The following ACTR1A variants were observed in gnomAD, a reference collection of about 807,000 sequenced individuals.
ACTR1A encodes alpha-centractin.
In ACTR1A, 10 loss-of-function variants were observed where a neutral mutation model predicts 50.7. That is an observed-to-expected ratio of 0.20 (90% CI 0.12 to 0.33). The LOEUF (loss-of-function observed/expected upper bound fraction) is 0.33. ACTR1A is among the 10% of genes least tolerant of loss of function. ACTR1A has a pLI of 1.00. For synonymous variants in ACTR1A, 177 were observed against 184.2 expected (o/e 0.96, Z 0.32); for missense variants, 253 against 491.7 (o/e 0.51, Z 4.59).
chr10:102,497,329 TAAA>T (rs779973647), intron 1 of ACTR1A, among the ~76,000 whole-genome samples: 3 of 152,110 alleles, frequency 2.0e-5, no homozygotes, highest in Non-Finnish European at 4.4e-5. Context: ...ATTGCTATAA[TAAA>T]AAGAGATAAC....
In ACTR1A at chr10:102,480,739, G is replaced by GCA. The variant is rs2062134849; in HGVS notation, c.*122_*123dup. On this transcript the variant is annotated 3_prime_UTR_variant, in exon 11 of 11. Transcript: ENST00000369905. The stretch of plus-strand genomic sequence containing the variant: ...CCAGGGCCACACGGCACTCGCATGT[G>GCA]CACACACACTCATATCCACACACGC... 4.9e-6 allele frequency: 4 copies of GCA among 820,736 alleles called. No individual in the cohort carries two copies. In the Admixed American group the frequency reaches 5.6e-5, roughly 11 times the overall value. The allele number at this position is 820,736 out of a possible 1,614,324, so 50.8% of individuals were successfully genotyped here. A position where few individuals can be genotyped will look rare whatever the true frequency, so the allele number is the denominator to read the frequency against.
intron 1 of ACTR1A, among the ~76,000 whole-genome samples, chr10:102,501,896 T>G (rs1184575281): frequency 2.6e-5 from 4 of 152,206 alleles, no homozygotes; most frequent in Admixed American, 2.6e-4. Context: ...GCTTCCTTTG[T>G]CACTCTCCTT....
At position 102,488,251 on chromosome 10, in the gene ACTR1A, G is replaced by T. The variant is rs117277603; in HGVS notation, c.214C>A (p.Arg72Ser). The T allele has an allele frequency of 6.2e-7, 1 of 1,613,760 alleles. No homozygotes were observed. Among genetic ancestry groups the T allele is most frequent in the Non-Finnish European group, 8.5e-7 (1 of 1,179,814 alleles). ...AEEHRGLLSI[R>S]YPMEHGIVKD... ...ACGATGCCATGCTCCATGGGATAGC[G>T]GATTGAAAGCAGCCCTCGGTGCTCC... Residue 72 changes from arginine (R) to serine (S), a missense_variant, in exon 4 of 11, where the codon CGC becomes AGC. Transcript: ENST00000369905. This position sits in a 1 kb window ranked among gnomAD's most constrained non-coding sequence, Gnocchi z 4.4.
In ACTR1A at chr10:102,480,690, A is replaced by G. The variant is rs1176202158; in HGVS notation, c.*173T>C. The G allele has an allele frequency of 1.6e-6, 1 of 636,856 alleles. No individual in the cohort carries two copies. Among genetic ancestry groups the G allele is most frequent in the Non-Finnish European group, 2.8e-6 (1 of 354,502 alleles). The allele number at this position is 636,856 out of a possible 1,614,324, so 39.5% of individuals were successfully genotyped here. A position where few individuals can be genotyped will look rare whatever the true frequency, so the allele number is the denominator to read the frequency against. Reference sequence around the variant, plus strand: ...AGGCCATCACCACTGCAGGTAGTTCATCGTCCTTTCTGGGCCCAGGGTCCC... The same window carrying G: ...AGGCCATCACCACTGCAGGTAGTTCGTCGTCCTTTCTGGGCCCAGGGTCCC... On this transcript the variant is annotated 3_prime_UTR_variant, in exon 11 of 11. Transcript: ENST00000369905.
chr10:102,490,762 G>C, intron 1 of ACTR1A, 149 bp from the exon 2 acceptor site: 1 of 583,542 alleles, frequency 1.7e-6, no homozygotes, highest in South Asian at 2.0e-5. Context: ...GGAGGCAGAG[G>C]CAGGCGGATC....
In ACTR1A at chr10:102,480,938, G is replaced by A; in HGVS notation, c.1056C>T (p.Thr352=). 1 of 1,614,108 alleles carries A rather than the reference G, an allele frequency of 6.2e-7. No homozygotes were observed. The highest frequency in any genetic ancestry group is 8.5e-7 in the Non-Finnish European group (1 of 1,179,962). The change falls in exon 11 of 11, where the codon ACC becomes ACT. Residue 352 remains threonine, a synonymous_variant. Transcript: ENST00000369905. ...IGGSILASLD[T]FKKMWVSKKE... ...TTTTGGAGACCCACATCTTCTTAAA[G>A]GTGTCCAGGGAGGCAAGGATGGAGC... is the stretch of plus-strand genomic sequence containing the variant.
intron 1 of ACTR1A, among the ~76,000 whole-genome samples, chr10:102,498,607 G>A (rs1564651872): frequency 6.6e-6 from 1 of 151,576 alleles, no homozygotes; most frequent in Non-Finnish European, 1.5e-5. Context: ...GCCTCCTACA[G>A]GTGCATGCCA....
At chr10:102,500,477 G>A (rs1478449595) in intron 1 of ACTR1A, among the ~76,000 whole-genome samples, 1 of 152,172 alleles carries the variant, frequency 6.6e-6, no homozygotes, top group Non-Finnish European at 1.5e-5. Flanking sequence ...GCTGAGGCAG[G>A]AGAATGGCGT....
intron 5 of ACTR1A, 48 bp downstream of exon 5, chr10:102,485,561 A>G (rs1318223606): frequency 6.2e-7 from 1 of 1,608,852 alleles, no homozygotes; most frequent in African/African-American, 1.3e-5. Context: ...CAGCTGTGCC[A>G]AAGGACTGCT....
At chr10:102,496,399 G>A (rs1276960393) in intron 1 of ACTR1A, among the ~76,000 whole-genome samples, 1 of 152,174 alleles carries the variant, frequency 6.6e-6, no homozygotes, top group Non-Finnish European at 1.5e-5. Context: ...GGCCTCTGCA[G>A]GCATTGAATT....
rs1353645759 is a variant in ACTR1A, at chr10:102,486,030, A to G, written c.316-297T>C. On this transcript the variant is annotated intron_variant, in intron 4 of 10. Transcript: ENST00000369905. ...TGTCTACTGTGTATCTCCAACTGTCAAGAAGATTTTGTGAAACTCTAAATT... is the reference window on the plus strand; with the variant it reads ...TGTCTACTGTGTATCTCCAACTGTCGAGAAGATTTTGTGAAACTCTAAATT... 2.0e-5 allele frequency among the ~76,000 whole-genome samples: 3 copies of G among 152,116 alleles called. No homozygotes were observed. The East Asian group carries it at 5.8e-4, about 29-fold the overall frequency.
In ACTR1A at chr10:102,480,489, C is replaced by T. The variant is rs2062133352; in HGVS notation, c.*374G>A. ...GGGGTGGGGGTGAGGGTGGGGCCAG[C>T]CCAGCCTAGGATGGTCAGCAGCAAG... is the stretch of plus-strand genomic sequence containing the variant. On this transcript the variant is annotated 3_prime_UTR_variant, in exon 11 of 11. Coordinates refer to ENST00000369905, the MANE Select transcript of ACTR1A (RefSeq NM_005736.4). 2 of 241,060 alleles carry T rather than the reference C, an allele frequency of 8.3e-6. No individual in the cohort carries two copies. Among genetic ancestry groups the T allele is most frequent in the South Asian group, 6.2e-5 (1 of 16,252 alleles). 14.9% of individuals were successfully genotyped at this position (241,060 alleles called of 1,614,324 possible). A position where few individuals can be genotyped will look rare whatever the true frequency, so the allele number is the denominator to read the frequency against.
rs2062179189 is a variant in ACTR1A at position 102,488,485 on chromosome 10, C to T, written c.190-210G>A. Among the ~76,000 whole-genome samples the T allele has an allele frequency of 6.6e-6, 1 of 152,242 alleles. No individual in the cohort carries two copies. Among genetic ancestry groups the T allele is most frequent in the Non-Finnish European group, 1.5e-5 (1 of 68,054 alleles). ...GCAAACTGCCCTCATTCCCGAGGAGCCGGCAAAGCAGGGGCTTCTGCATTT... is the reference window on the plus strand; with the variant it reads ...GCAAACTGCCCTCATTCCCGAGGAGTCGGCAAAGCAGGGGCTTCTGCATTT... On this transcript the variant is annotated intron_variant, in intron 3 of 10. Transcript: ENST00000369905. This position sits in a 1 kb window ranked among gnomAD's most constrained non-coding sequence, Gnocchi z 4.4.
chr10:102,485,272 C>T (rs755238533), intron 5 of ACTR1A, among the ~76,000 whole-genome samples: 2 of 152,190 alleles, frequency 1.3e-5, no homozygotes, highest in Non-Finnish European at 2.9e-5. Context: ...ACAGTAAGTG[C>T]TGAATAATAA....
At chr10:102,493,659 T>A (rs142170677) in intron 1 of ACTR1A, among the ~76,000 whole-genome samples, 1 of 152,342 alleles carries the variant, frequency 6.6e-6, no homozygotes, top group African/African-American at 2.4e-5. Flanking sequence ...TACCACGAGG[T>A]GGCATGCACT....
intron 4 of ACTR1A, among the ~76,000 whole-genome samples, 183 bp downstream of exon 4, chr10:102,487,967 A>C (rs557953876): frequency 6.3e-4 from 96 of 152,300 alleles, no homozygotes; most frequent in African/African-American, 2.2e-3. Context: ...CCTTGTTTGT[A>C]AAATGAGATA....
chr10:102,483,226 C>A, intron 6 of ACTR1A, 123 bp from the exon 7 acceptor site: 1 of 772,490 alleles, frequency 1.3e-6, no homozygotes, highest in Non-Finnish European at 2.3e-6. Flanking sequence ...CCAATGGTCA[C>A]TATAGCTGCT....
Position 102,482,950 on chromosome 10 carries a change from T to C in ACTR1A, c.750+61A>G. On this transcript the variant is annotated intron_variant, in intron 7 of 10. Transcript: ENST00000369905. This position sits in a 1 kb window ranked among gnomAD's most constrained non-coding sequence, Gnocchi z 5.6. ...GACTCCAGACCCTGATGGAGAATTC[T>C]GGTTGGGCCCAGAGCTTTTGTGGAC... The C allele has an allele frequency of 7.3e-7, 1 of 1,374,950 alleles. No individual in the cohort carries two copies. Among genetic ancestry groups the C allele is most frequent in the Non-Finnish European group, 1.0e-6 (1 of 963,904 alleles). The allele number at this position is 1,374,950 out of a possible 1,614,324, so 85.2% of individuals were successfully genotyped here. A position where few individuals can be genotyped will look rare whatever the true frequency, so the allele number is the denominator to read the frequency against.
chr10:102,494,602 G>C (rs7069356), intron 1 of ACTR1A, among the ~76,000 whole-genome samples: 53,430 of 151,964 alleles, frequency 0.35, 9,561 homozygotes, highest in African/African-American at 0.39. Flanking sequence ...TGCACTCCAG[G>C]CTGGATGACA....
Sources: gnomAD v4.1 joint callset for allele counts (sites outside exome capture counted in the v4.1 genomes callset) on GRCh38, gnomAD v4.1.1 for gene constraint, Gnocchi (gnomAD v3.1) non-coding constraint, MANE v1.5 for transcripts, NCBI Gene and HGNC (gene_info 2026-07-23, HGNC 2026-07-21) for gene names.